KLHL5: variants seen among roughly 807,000 people sequenced by gnomAD.
KLHL5 encodes kelch like family member 5.
KLHL5 carries 48 observed loss-of-function variants against 77.7 expected under a neutral mutation model. The observed-to-expected ratio is 0.62, with a 90% confidence interval of 0.49 to 0.79. The LOEUF is 0.79. Ranked by LOEUF, KLHL5 falls within the 30% of genes least tolerant of loss-of-function variation. KLHL5 has a pLI of 0.00. For missense variants in KLHL5, 723 were observed against 859.7 expected (o/e 0.84, Z 1.99); for synonymous variants, 260 against 297.0 (o/e 0.88, Z 1.28).
chr4:39,139,662 T>C, the KLHL5 span, among the ~76,000 whole-genome samples: 1 of 152,182 alleles, frequency 6.6e-6, no homozygotes, highest in African/African-American at 2.4e-5. Context: ...GTGAACTCTG[T>C]ACCTTCCGCT....
At chr4:39,132,981 A>T in the KLHL5 span, among the ~76,000 whole-genome samples, 1 of 152,200 alleles carries the variant, frequency 6.6e-6, no homozygotes. Context: ...AAAATGTTAA[A>T]TGATAGTCTA....
the KLHL5 span, among the ~76,000 whole-genome samples, chr4:39,141,479 T>C: frequency 6.6e-6 from 1 of 151,994 alleles, no homozygotes; most frequent in East Asian, 1.9e-4. Context: ...AGGCTAATAA[T>C]TTTTTGTATT....
At position 39,062,250 on chromosome 4, in the gene KLHL5, T is replaced by A; in HGVS notation, c.-403T>A. The A allele has an allele frequency of 7.8e-7, 1 of 1,275,242 alleles. No homozygotes were observed. Among genetic ancestry groups the A allele is most frequent in the South Asian group, 2.0e-5 (1 of 49,848 alleles). 79.0% of individuals were successfully genotyped at this position (1,275,242 alleles called of 1,614,324 possible). On this transcript the variant is annotated 5_prime_UTR_variant, in exon 1 of 11. Coordinates refer to ENST00000504108, the MANE Select transcript of KLHL5 (RefSeq NM_015990.5). ...CTGAGATACTGCAACGGGGATAGTG[T>A]TTTCTGTCTCTGTCATTTGTGGTTT...
At chr4:39,130,319 C>T (rs886526557), downstream of KLHL5, among the ~76,000 whole-genome samples, 4 of 152,178 alleles carry the variant, frequency 2.6e-5, no homozygotes, top group Non-Finnish European at 5.9e-5. Context: ...GCAGCAGGAG[C>T]AAGTTCTTAA....
At chr4:39,049,973 G>C (rs1716511755) in intron 1 of KLHL5, among the ~76,000 whole-genome samples, 1 of 152,044 alleles carries the variant, frequency 6.6e-6, no homozygotes, top group Non-Finnish European at 1.5e-5. Context: ...TACTCCAGAG[G>C]CTGAGGCAGG....
chr4:39,093,064 CT>C, intron 5 of KLHL5: 1 of 455,572 alleles, frequency 2.2e-6, no homozygotes, highest in South Asian at 1.6e-5. Flanking sequence ...TTCTTGGCAG[CT>C]TTATTCATAA....
At chr4:39,071,365 A>G (rs1363716538) in intron 1 of KLHL5, among the ~76,000 whole-genome samples, 2 of 152,152 alleles carry the variant, frequency 1.3e-5, no homozygotes, top group Non-Finnish European at 2.9e-5. Flanking sequence ...TCCTACTCAT[A>G]GACAGTATAA....
intron 1 of KLHL5, among the ~76,000 whole-genome samples, chr4:39,048,788 C>T (rs550572482): frequency 9.4e-4 from 142 of 151,772 alleles, no homozygotes; most frequent in Non-Finnish European, 1.3e-3. Context: ...GGATTACAGG[C>T]GCCCACCACC....
the KLHL5 span, among the ~76,000 whole-genome samples, chr4:39,132,087 A>G: frequency 6.6e-6 from 1 of 152,102 alleles, no homozygotes; most frequent in Non-Finnish European, 1.5e-5. Flanking sequence ...CTATTTCTAT[A>G]TAGCTGGGAC....
chr4:39,105,737 T>TACACAC (rs10536180), intron 7 of KLHL5, among the ~76,000 whole-genome samples: 9 of 146,704 alleles, frequency 6.1e-5, no homozygotes, highest in Admixed American at 1.4e-4. Flanking sequence ...TATATATGTA[T>TACACAC]ACACACACAC....
chr4:39,101,986 A>G (rs933621748), intron 6 of KLHL5, among the ~76,000 whole-genome samples: 1 of 150,170 alleles, frequency 6.7e-6, no homozygotes, highest in African/African-American at 2.4e-5. Context: ...ACATATATAT[A>G]TATATATGCA....
At chr4:39,059,552 G>A (rs981674687), upstream of KLHL5, among the ~76,000 whole-genome samples, 5 of 152,138 alleles carry the variant, frequency 3.3e-5, no homozygotes, top group East Asian at 1.9e-4. Flanking sequence ...TTTGAGACTA[G>A]CCTGGCCAAT....
intron 1 of KLHL5, among the ~76,000 whole-genome samples, chr4:39,073,726 C>G (rs1375432016): frequency 6.6e-6 from 1 of 152,032 alleles, no homozygotes; most frequent in Non-Finnish European, 1.5e-5. Flanking sequence ...CTCACCGTAA[C>G]CTCTGCCTCC....
chr4:39,081,936 C>T lies in KLHL5; in HGVS notation c.704-27C>T. 1 of 1,492,328 alleles carries T rather than the reference C, an allele frequency of 6.7e-7. No individual in the cohort carries two copies. Among genetic ancestry groups the T allele is most frequent in the Non-Finnish European group, 9.1e-7 (1 of 1,098,506 alleles). 92.4% of individuals were successfully genotyped at this position (1,492,328 alleles called of 1,614,324 possible). A position where few individuals can be genotyped will look rare whatever the true frequency, so the allele number is the denominator to read the frequency against. The stretch of plus-strand genomic sequence containing the variant: ...AAATAAGGTTAATGTAGTTCCATGG[C>T]TAATGGAATTTCTTTTTATCATTAA... On this transcript the variant is annotated intron_variant, in intron 3 of 10. Coordinates refer to ENST00000504108, the MANE Select transcript of KLHL5 (RefSeq NM_015990.5). This position sits in a 1 kb window ranked among gnomAD's most constrained non-coding sequence, Gnocchi z 4.3.
intron 5 of KLHL5, among the ~76,000 whole-genome samples, chr4:39,090,393 A>T (rs1236764241): frequency 6.6e-6 from 1 of 151,956 alleles, no homozygotes; most frequent in Non-Finnish European, 1.5e-5. Flanking sequence ...TCTTAAAATA[A>T]TATAGGAAAT....
At chr4:39,050,972 C>G (rs1716595511) in intron 1 of KLHL5, among the ~76,000 whole-genome samples, 1 of 152,186 alleles carries the variant, frequency 6.6e-6, no homozygotes, top group African/African-American at 2.4e-5. Context: ...TTGTCTAACT[C>G]TTATAAGTCA....
intron 8 of KLHL5, among the ~76,000 whole-genome samples, chr4:39,108,053 T>G (rs1435750535): frequency 6.6e-6 from 1 of 151,486 alleles, no homozygotes; most frequent in East Asian, 1.9e-4. Flanking sequence ...ATATTATCTA[T>G]ATTATGTTTA....
intron 7 of KLHL5, among the ~76,000 whole-genome samples, chr4:39,104,360 A>C (rs1322287412): frequency 6.6e-6 from 1 of 152,212 alleles, no homozygotes; most frequent in African/African-American, 2.4e-5. Flanking sequence ...ATAGGCACAG[A>C]CTGGGAAAAT....
chr4:39,050,365 A>G (rs753204667), intron 1 of KLHL5, among the ~76,000 whole-genome samples: 11 of 152,370 alleles, frequency 7.2e-5, no homozygotes, highest in Non-Finnish European at 1.5e-4. Context: ...ATCAGAGTCC[A>G]AGGGCAAGAA....
Sources: gnomAD v4.1 joint callset for allele counts (sites outside exome capture counted in the v4.1 genomes callset) on GRCh38, gnomAD v4.1.1 for gene constraint, Gnocchi (gnomAD v3.1) non-coding constraint, MANE v1.5 for transcripts, NCBI Gene and HGNC (gene_info 2026-07-23, HGNC 2026-07-21) for gene names.